The following HPSE variants were observed in gnomAD, a reference collection of about 807,000 sequenced individuals.
HPSE encodes the protein endo-glucoronidase.
In HPSE, 48 loss-of-function variants were observed where a neutral mutation model predicts 65.1. The ratio of observed to expected loss-of-function variants is 0.74; its 90% CI spans 0.58 to 0.94. The LOEUF (loss-of-function observed/expected upper bound fraction) is 0.94, where lower values mean the gene tolerates loss of function less well. HPSE is among the 40% of genes least tolerant of loss of function. The pLI, the probability that HPSE is intolerant of heterozygous loss-of-function variation, is 0.00. For missense variants in HPSE, 644 were observed against 637.5 expected (o/e 1.01, Z -0.11); for synonymous variants, 243 against 260.0 (o/e 0.93, Z 0.63).
chr4:83,298,489 A>C (rs567639659), intron 11 of HPSE, among the ~76,000 whole-genome samples: 268 of 150,024 alleles, frequency 1.8e-3, no homozygotes, highest in African/African-American at 6.4e-3. Flanking sequence ...TTTAAAAAAA[A>C]ACAGATGTTC....
intron 1 of HPSE, among the ~76,000 whole-genome samples, chr4:83,332,156 C>T (rs2126199347): frequency 6.6e-6 from 1 of 152,360 alleles, no homozygotes; most frequent in African/African-American, 2.4e-5. Context: ...TGCCATCCCG[C>T]CCACACATCT....
At chr4:83,303,525 G>GTGTT (rs1736040414) in intron 9 of HPSE, among the ~76,000 whole-genome samples, 1 of 152,132 alleles carries the variant, frequency 6.6e-6, no homozygotes, top group Non-Finnish European at 1.5e-5. Context: ...TAAAAGTATT[G>GTGTT]TGTTTTTACA....
intron 2 of HPSE, 71 bp from the exon 3 acceptor site, chr4:83,319,540 T>A: frequency 6.8e-7 from 1 of 1,463,526 alleles, no homozygotes. Flanking sequence ...TATATTTATT[T>A]AGTTAGCTAT....
chr4:83,315,722 A>C (rs2126191001), intron 3 of HPSE, among the ~76,000 whole-genome samples: 1 of 152,336 alleles, frequency 6.6e-6, no homozygotes, highest in Middle Eastern at 3.4e-3. Flanking sequence ...AAGCACCATC[A>C]CATGCCTTCG....
intron 4 of HPSE, among the ~76,000 whole-genome samples, chr4:83,312,719 C>T (rs1736447996): frequency 7.1e-6 from 1 of 139,922 alleles, no homozygotes; most frequent in South Asian, 2.3e-4. Flanking sequence ...TAATGCTAGC[C>T]GGGCCTGGTG....
At chr4:83,299,223 G>T (rs1735842138) in intron 11 of HPSE, among the ~76,000 whole-genome samples, 1 of 151,858 alleles carries the variant, frequency 6.6e-6, no homozygotes, top group African/African-American at 2.4e-5. Flanking sequence ...AATTAGCCAG[G>T]CGTGGTGATG....
chr4:83,301,684 A>C lies in HPSE; in HGVS notation c.1325+466T>G, dbSNP rs571627425. ...TTTTGGCTAGAATTAGTATTTCAGC[A>C]TCATCTTATCAGGAATGATAGATTG... On this transcript the variant is annotated intron_variant, in intron 10 of 11. Coordinates refer to ENST00000311412, the MANE Select transcript of HPSE (RefSeq NM_001098540.3). Among the ~76,000 whole-genome samples the C allele has an allele frequency of 3.3e-5, 5 of 152,192 alleles. No homozygotes were observed. In the South Asian group the frequency reaches 1.0e-3, roughly 32 times the overall value.
intron 8 of HPSE, 119 bp downstream of exon 8, chr4:83,308,726 G>T: frequency 1.4e-6 from 1 of 718,970 alleles, no homozygotes; most frequent in Non-Finnish European, 2.4e-6. Flanking sequence ...CATGAATTTT[G>T]GGGCTCAGCC....
chr4:83,319,888 C>T (rs901858756), intron 2 of HPSE, among the ~76,000 whole-genome samples: 3 of 151,900 alleles, frequency 2.0e-5, no homozygotes, highest in African/African-American at 7.3e-5. Flanking sequence ...GGTGAAACCT[C>T]GTCTCTACTA....
intron 3 of HPSE, 60 bp downstream of exon 3, chr4:83,319,284 T>G (rs745352670): frequency 4.9e-5 from 76 of 1,563,620 alleles, no homozygotes; most frequent in Non-Finnish European, 6.6e-5. Context: ...GGTGCCCGAG[T>G]CCAACCTATT....
At chr4:83,307,326 G>A (rs1327330311) in intron 8 of HPSE, among the ~76,000 whole-genome samples, 3 of 152,146 alleles carry the variant, frequency 2.0e-5, no homozygotes, top group Non-Finnish European at 4.4e-5. Context: ...CTGGTTTATT[G>A]ATCTTTGAGG....
At chr4:83,301,618 G>T (rs1037013459) in intron 10 of HPSE, among the ~76,000 whole-genome samples, 2 of 152,082 alleles carry the variant, frequency 1.3e-5, no homozygotes, top group African/African-American at 4.8e-5. Flanking sequence ...TCACTATCCA[G>T]AGTTCCCAGT....
rs776110899 is a variant in HPSE at position 83,306,301 on chromosome 4, C to T, written c.1108G>A (p.Gly370Ser). 6.2e-6 allele frequency: 10 copies of T among 1,610,274 alleles called. No individual in the cohort carries two copies. Among genetic ancestry groups the T allele is most frequent in the Non-Finnish European group, 8.5e-6 (10 of 1,176,646 alleles). The change falls in exon 9 of 12, where the codon GGC becomes AGC. Residue 370 changes from glycine (G) to serine (S), a missense_variant. Gly to Ser is a moderately conservative substitution (Grantham distance 56, BLOSUM62 0). Coordinates refer to ENST00000311412, the MANE Select transcript of HPSE (RefSeq NM_001098540.3). ...TCTATTCCCATTCGGGCTGACAGGC[C>T]CAATTTATCCAGCCACCTGGGACAG... ...AAGFMWLDKL[G>S]LSARMGIEVV...
chr4:83,306,623 C>T (rs536818972), intron 8 of HPSE, among the ~76,000 whole-genome samples: 18 of 152,142 alleles, frequency 1.2e-4, no homozygotes, highest in Non-Finnish European at 2.5e-4. Flanking sequence ...CTCATTGACT[C>T]CATCTTGCTT....
intron 1 of HPSE, among the ~76,000 whole-genome samples, chr4:83,324,113 CTTTTTTTTTTT>C (rs398051210): frequency 2.7e-5 from 2 of 74,742 alleles, no homozygotes; most frequent in East Asian, 4.0e-4. Flanking sequence ...TCTTCTTCTT[CTTTTTTTTTTT>C]TTTTTTTTTT....
At chr4:83,316,891 T>C (rs1304563697) in intron 3 of HPSE, among the ~76,000 whole-genome samples, 1 of 151,958 alleles carries the variant, frequency 6.6e-6, no homozygotes, top group East Asian at 1.9e-4. Flanking sequence ...TTGTTTTTTG[T>C]TTGTTTGTTT....
At position 83,294,235 on chromosome 4, in the gene HPSE, A is replaced by AT. The variant is rs1274004498; in HGVS notation, c.*1108dup. The AT allele has an allele frequency of 6.6e-6, 1 of 151,982 alleles. No homozygotes were observed. Among genetic ancestry groups the AT allele is most frequent in the Non-Finnish European group, 1.5e-5 (1 of 68,016 alleles). The allele number at this position is 151,982 out of a possible 1,614,324, so 9.4% of individuals were successfully genotyped here. A position where few individuals can be genotyped will look rare whatever the true frequency, so the allele number is the denominator to read the frequency against. Reference sequence around the variant, plus strand: ...AGGACCACACCCAGCTAATTTTTGTATTTTTTAGTAGAGATGGGGTTTCAC... The same window carrying AT: ...AGGACCACACCCAGCTAATTTTTGTATTTTTTTAGTAGAGATGGGGTTTCAC... On this transcript the variant is annotated 3_prime_UTR_variant, in exon 12 of 12. Coordinates refer to ENST00000311412, the MANE Select transcript of HPSE (RefSeq NM_001098540.3).
intron 1 of HPSE, among the ~76,000 whole-genome samples, chr4:83,325,056 A>G (rs968698251): frequency 2.0e-5 from 3 of 152,052 alleles, no homozygotes; most frequent in African/African-American, 7.2e-5. Flanking sequence ...GCTAGATGGT[A>G]GACTTTTTCA....
At chr4:83,320,062 C>T (rs1307539241) in intron 2 of HPSE, among the ~76,000 whole-genome samples, 1 of 148,002 alleles carries the variant, frequency 6.8e-6, no homozygotes, top group East Asian at 2.0e-4. Context: ...CTGGAAATTA[C>T]CAGAGAACTC....
Sources: allele counts gnomAD v4.1 joint callset (sites outside exome capture counted in the v4.1 genomes callset), GRCh38; gene constraint gnomAD v4.1.1; transcripts MANE v1.5; gene names NCBI Gene and HGNC (gene_info 2026-07-23, HGNC 2026-07-21).